SEPTIN12: variants seen among roughly 807,000 people sequenced by gnomAD.
SEPTIN12 encodes septin 12.
In SEPTIN12, 42 loss-of-function variants were observed where a neutral mutation model predicts 37.7. The ratio of observed to expected loss-of-function variants is 1.11; its 90% CI spans 0.87 to 1.44. The LOEUF (loss-of-function observed/expected upper bound fraction) is 1.44, where lower values mean the gene tolerates loss of function less well. Ranked by LOEUF, SEPTIN12 falls within the 40% of genes most tolerant of loss-of-function variation. SEPTIN12 has a pLI of 0.00. For synonymous variants in SEPTIN12, 254 were observed against 196.7 expected (o/e 1.29, Z -2.44); for missense variants, 613 against 479.2 (o/e 1.28, Z -2.61).
At chr16:4,784,311 G>A (rs2082409412) in intron 4 of SEPTIN12, 1 of 527,950 alleles carries the variant, frequency 1.9e-6, no homozygotes. Flanking sequence ...CACCTACGTT[G>A]CAAGTAAGGG....
intron 7 of SEPTIN12, among the ~76,000 whole-genome samples, chr16:4,781,773 T>C (rs1424323094): frequency 2.7e-5 from 4 of 150,700 alleles, no homozygotes; most frequent in Admixed American, 6.7e-5. Flanking sequence ...GCCTCCTAAG[T>C]AGCTGGGATT....
intron 4 of SEPTIN12, among the ~76,000 whole-genome samples, chr16:4,784,580 G>C (rs1359562042): frequency 1.0e-5 from 1 of 99,810 alleles, no homozygotes; most frequent in Non-Finnish European, 2.4e-5. Flanking sequence ...GGCTAGCCTG[G>C]GCAACATGGG....
upstream of SEPTIN12, among the ~76,000 whole-genome samples, chr16:4,791,164 C>T (rs951218127): frequency 3.3e-5 from 5 of 152,338 alleles, no homozygotes; most frequent in South Asian, 2.1e-4. Flanking sequence ...TTCTGAAAAT[C>T]GTGGCGGTGA....
At chr16:4,784,150 G>T in intron 4 of SEPTIN12, 82 bp from the exon 5 acceptor site, 1 of 1,544,418 alleles carries the variant, frequency 6.5e-7, no homozygotes, top group Non-Finnish European at 8.9e-7. Flanking sequence ...CCTCTGGGCG[G>T]TCCTCCCTTG....
At position 4,778,425 on chromosome 16, in the gene SEPTIN12, G is replaced by C. The variant is rs184306270; in HGVS notation, c.824-288C>G. Among the ~76,000 whole-genome samples the C allele has an allele frequency of 3.1e-3, 468 of 152,338 alleles. 2 individuals are homozygous for C. Among genetic ancestry groups the C allele is most frequent in the African/African-American group, 9.9e-3 (412 of 41,576 alleles). ...CATGGGTGCCCACTGTAGGACTTGA[G>C]CATCTGCCGATTTTGGTATCCCTGG... On this transcript the variant is annotated intron_variant, in intron 8 of 9. Coordinates refer to ENST00000268231, the MANE Select transcript of SEPTIN12 (RefSeq NM_144605.5).
chr16:4,788,557 A>T (rs960112112), upstream of SEPTIN12: 1 of 152,102 alleles, frequency 6.6e-6, no homozygotes, highest in Non-Finnish European at 1.5e-5. Flanking sequence ...CTCCAAGCTG[A>T]CGCCCTCAAC....
At chr16:4,779,124 C>G (rs967887647) in intron 8 of SEPTIN12, among the ~76,000 whole-genome samples, 1 of 151,992 alleles carries the variant, frequency 6.6e-6, no homozygotes, top group East Asian at 1.9e-4. Context: ...GGTGACACTG[C>G]GAGACTCCAT....
intron 7 of SEPTIN12, among the ~76,000 whole-genome samples, chr16:4,781,568 A>G (rs2082371729): frequency 6.6e-6 from 1 of 151,884 alleles, no homozygotes; most frequent in African/African-American, 2.4e-5. Flanking sequence ...TTTGTGTCTG[A>G]CTGATTTTTG....
chr16:4,783,414 T>C (rs2082394399), intron 7 of SEPTIN12, 48 bp downstream of exon 7: 1 of 1,309,972 alleles, frequency 7.6e-7, no homozygotes, highest in African/African-American at 1.5e-5. Flanking sequence ...GGAAAGGATG[T>C]GTGGGAAGGA....
intron 4 of SEPTIN12, 34 bp from the exon 5 acceptor site, chr16:4,784,102 G>A (rs372386796): frequency 6.2e-7 from 1 of 1,612,458 alleles, no homozygotes; most frequent in Non-Finnish European, 8.5e-7. Context: ...CCTCAGAACT[G>A]TGCTGTGCCC....
chr16:4,786,495 C>T (rs946790426), intron 2 of SEPTIN12, among the ~76,000 whole-genome samples: 1 of 151,464 alleles, frequency 6.6e-6, no homozygotes, highest in Non-Finnish European at 1.5e-5. Context: ...GCTGGGACTA[C>T]AGGCGCCCGC....
At chr16:4,783,883 C>T in intron 5 of SEPTIN12, 48 bp downstream of exon 5, 1 of 1,612,566 alleles carries the variant, frequency 6.2e-7, no homozygotes, top group African/African-American at 1.3e-5. Flanking sequence ...TTCTCCTCCT[C>T]CCTGCCCCGT....
intron 2 of SEPTIN12, 108 bp downstream of exon 2, chr16:4,787,372 C>T: frequency 2.1e-6 from 2 of 973,578 alleles, no homozygotes; most frequent in Middle Eastern, 2.1e-4. Flanking sequence ...ATTATCAGGC[C>T]CACCTAAGAG....
chr16:4,785,421 T>G (rs1201783502), intron 4 of SEPTIN12, among the ~76,000 whole-genome samples: 1 of 150,136 alleles, frequency 6.7e-6, no homozygotes, highest in Non-Finnish European at 1.5e-5. Flanking sequence ...TCCCAAAGGT[T>G]GAAGGGGGAG....
chr16:4,787,484 C>G lies in SEPTIN12; in HGVS notation c.162G>C (p.Val54=), dbSNP rs1248537320. The G allele has an allele frequency of 6.2e-7, 1 of 1,612,668 alleles. No homozygotes were observed. The highest frequency in any genetic ancestry group is 8.5e-7 in the Non-Finnish European group (1 of 1,179,966). Residue 54 remains valine (V), a synonymous_variant, in exon 2 of 10, where the codon GTG becomes GTC. Coordinates refer to ENST00000268231, the MANE Select transcript of SEPTIN12 (RefSeq NM_144605.5). ...MKMGFEFNIM[V]VGQSGLGKST... is the part of the protein sequence containing the mutation. ...TGGGCCCTACCTCTCACTCACCCAC[C>G]ACCATGATGTTGAACTCAAACCCCA...
intron 7 of SEPTIN12, among the ~76,000 whole-genome samples, chr16:4,780,439 G>A (rs374853190): frequency 4.6e-5 from 7 of 152,054 alleles, no homozygotes; most frequent in Admixed American, 3.9e-4. Flanking sequence ...GAGCCTATGA[G>A]TCATTTTTGT....
chr16:4,783,947 G>GT lies in SEPTIN12; in HGVS notation c.495dup (p.Pro166ThrfsTer13), dbSNP rs765625419. The GT allele has an allele frequency of 1.9e-6, 3 of 1,614,184 alleles. No homozygotes were observed. The Admixed American group carries it at 5.0e-5, about 27-fold the overall frequency. ...CCCCCTCACCAGTGCCCAGTGGGTG[G>GT]TACAAAGTACACGCAGCAGTGCACC... On this transcript the variant is annotated frameshift_variant, in exon 5 of 10. Coordinates refer to ENST00000268231, the MANE Select transcript of SEPTIN12 (RefSeq NM_144605.5). LOFTEE classifies it high-confidence loss of function.
In SEPTIN12 at chr16:4,787,673, A is replaced by T; in HGVS notation, c.-22-6T>A. On this transcript the variant is annotated splice_polypyrimidine_tract_variant and splice_region_variant and intron_variant, in intron 1 of 9. Coordinates refer to ENST00000268231, the MANE Select transcript of SEPTIN12 (RefSeq NM_144605.5). ...GGGCCAAGGGTTCGAGATGCCTGTC[A>T]CCAGGTGGGTGGGGAGAAGGGGGTC... 1 of 1,378,476 alleles carries T rather than the reference A, an allele frequency of 7.3e-7. No individual in the cohort carries two copies. Among genetic ancestry groups the T allele is most frequent in the Non-Finnish European group, 1.0e-6 (1 of 1,001,044 alleles). The allele number at this position is 1,378,476 out of a possible 1,614,324, so 85.4% of individuals were successfully genotyped here. A position where few individuals can be genotyped will look rare whatever the true frequency, so the allele number is the denominator to read the frequency against.
Position 4,778,004 on chromosome 16 carries a change from G to A in SEPTIN12, c.876-6C>T. 6.2e-7 allele frequency: 1 copy of A among 1,612,288 alleles called. No individual in the cohort carries two copies. On this transcript the variant is annotated splice_polypyrimidine_tract_variant and splice_region_variant and intron_variant, in intron 9 of 9. Coordinates refer to ENST00000268231, the MANE Select transcript of SEPTIN12 (RefSeq NM_144605.5). ...TCAGGTCTTGGAGGTGGGAGCTGGG[G>A]GACCGGAGACGGTCAGCCCCGATGG...
Sources: gnomAD v4.1 joint callset for allele counts (sites outside exome capture counted in the v4.1 genomes callset) on GRCh38, gnomAD v4.1.1 for gene constraint, MANE v1.5 for transcripts, NCBI Gene and HGNC (gene_info 2026-07-23, HGNC 2026-07-21) for gene names.